The following UGP2 variants were observed in gnomAD, a reference collection of about 807,000 sequenced individuals.
UGP2 encodes the protein UTP--glucose-1-phosphate uridylyltransferase.
UGP2 carries 40 observed loss-of-function variants against 49.0 expected under a neutral mutation model. The ratio of observed to expected loss-of-function variants is 0.82; its 90% CI spans 0.63 to 1.06. The LOEUF is 1.06. UGP2 is among the 50% of genes least tolerant of loss of function. The pLI, the probability that UGP2 is intolerant of heterozygous loss-of-function variation, is 0.00. For synonymous variants in UGP2, 225 were observed against 213.0 expected (o/e 1.06, Z -0.49); for missense variants, 460 against 603.5 (o/e 0.76, Z 2.49).
At chr2:63,854,150 T>A (rs1669229783) in intron 1 of UGP2, among the ~76,000 whole-genome samples, 1 of 152,238 alleles carries the variant, frequency 6.6e-6, no homozygotes. Context: ...ACCATTGGCC[T>A]GCTCTGTGAC....
chr2:63,843,434 A>G (rs1226862528), intron 1 of UGP2, among the ~76,000 whole-genome samples: 1 of 152,264 alleles, frequency 6.6e-6, no homozygotes, highest in East Asian at 1.9e-4. Flanking sequence ...CTGGTTTTGT[A>G]ATAACAATAT....
chr2:63,877,220 C>T (rs1670966337), intron 3 of UGP2, among the ~76,000 whole-genome samples: 2 of 152,214 alleles, frequency 1.3e-5, no homozygotes, highest in Admixed American at 6.5e-5. Context: ...CTTTGGTCAA[C>T]GGAGGTTGTT....
Position 63,882,517 on chromosome 2 carries a change from T to A in UGP2, c.307T>A (p.Ser103Thr). ...CAGGGGCTTGCCTGATAATATATCT[T>A]CCGTGTTGAACAAACTAGTGGTGGT... ...KARGLPDNIS[S>T]VLNKLVVVKL... The change falls in exon 4 of 10, where the codon TCC becomes ACC. Residue 103 changes from serine to threonine, a missense_variant. Ser to Thr is a moderately conservative substitution (Grantham distance 58). This residue lies in a region of UGP2 where 143 missense variants were observed against 130.4 expected (regional missense o/e 1.10). Transcript: ENST00000337130. 1 of 1,611,848 alleles carries A rather than the reference T, an allele frequency of 6.2e-7. No individual in the cohort carries two copies. The highest frequency in any genetic ancestry group is 8.5e-7 in the Non-Finnish European group (1 of 1,178,374).
intron 1 of UGP2, among the ~76,000 whole-genome samples, chr2:63,852,579 A>T (rs1669114337): frequency 6.6e-6 from 1 of 152,152 alleles, no homozygotes; most frequent in South Asian, 2.1e-4. Context: ...CAAGGAAGAG[A>T]AGTGATATGA....
intron 7 of UGP2, 38 bp downstream of exon 7, chr2:63,886,576 C>G (rs1427836159): frequency 1.2e-6 from 2 of 1,609,652 alleles, no homozygotes; most frequent in South Asian, 1.1e-5. Context: ...TTCCTGGTTC[C>G]TAAGGTCATA....
chr2:63,871,571 C>T (rs908319135), intron 3 of UGP2, among the ~76,000 whole-genome samples: 2 of 152,256 alleles, frequency 1.3e-5, no homozygotes, highest in African/African-American at 4.8e-5. Flanking sequence ...CAGGCGTGAG[C>T]CACTGTGCAC....
At chr2:63,867,085 T>C (rs1319813219) in intron 3 of UGP2, among the ~76,000 whole-genome samples, 6 of 152,236 alleles carry the variant, frequency 3.9e-5, no homozygotes, top group Non-Finnish European at 8.8e-5. Flanking sequence ...TTTATAGTTT[T>C]AAAATCCCTA....
chr2:63,884,317 C>T (rs915281754), intron 5 of UGP2, among the ~76,000 whole-genome samples: 1 of 152,146 alleles, frequency 6.6e-6, no homozygotes, highest in African/African-American at 2.4e-5. Context: ...GACTCTGTTC[C>T]ATGTCCAGAA....
chr2:63,844,435 CT>C (rs66854892), intron 1 of UGP2, among the ~76,000 whole-genome samples: 26,743 of 150,296 alleles, frequency 0.18, 3,132 homozygotes, highest in Non-Finnish European at 0.24. Context: ...AGGTTTCTAA[CT>C]TTTTTTTTTC....
intron 1 of UGP2, among the ~76,000 whole-genome samples, chr2:63,853,250 G>T (rs919252108): frequency 2.0e-5 from 3 of 152,146 alleles, no homozygotes; most frequent in Admixed American, 2.0e-4. Context: ...TTAAAGGACT[G>T]TAGTGAGCCC....
intron 3 of UGP2, among the ~76,000 whole-genome samples, chr2:63,863,902 G>T (rs990152916): frequency 1.3e-5 from 2 of 152,192 alleles, no homozygotes; most frequent in African/African-American, 2.4e-5. Flanking sequence ...ATTAAATACA[G>T]ATTTCTATTT....
chr2:63,854,305 G>A (rs532442862), intron 1 of UGP2, among the ~76,000 whole-genome samples: 70 of 152,328 alleles, frequency 4.6e-4, no homozygotes, highest in African/African-American at 1.7e-3. Flanking sequence ...GTCTAAAGGC[G>A]TGGGGAATCA....
intron 2 of UGP2, among the ~76,000 whole-genome samples, chr2:63,857,232 T>A (rs1042955282): frequency 1.3e-5 from 2 of 148,526 alleles, no homozygotes; most frequent in Non-Finnish European, 3.0e-5. Context: ...GCCTGGGAGG[T>A]GAAGTTTGTA....
chr2:63,866,435 A>G (rs932090221), intron 3 of UGP2, among the ~76,000 whole-genome samples: 1 of 152,222 alleles, frequency 6.6e-6, no homozygotes, highest in African/African-American at 2.4e-5. Flanking sequence ...TTTCTGGTAT[A>G]TGTGCTCAGT....
At chr2:63,868,704 C>T (rs1430996909) in intron 3 of UGP2, among the ~76,000 whole-genome samples, 5 of 152,112 alleles carry the variant, frequency 3.3e-5, no homozygotes, top group Non-Finnish European at 4.4e-5. Flanking sequence ...TAGCTCACAC[C>T]TGTAATCCCA....
chr2:63,853,452 T>C (rs1366893440), intron 1 of UGP2, among the ~76,000 whole-genome samples: 1 of 152,160 alleles, frequency 6.6e-6, no homozygotes, highest in African/African-American at 2.4e-5. Flanking sequence ...TCACAAGTCA[T>C]TTCCCGATTT....
chr2:63,870,222 C>T (rs755326134), intron 3 of UGP2, among the ~76,000 whole-genome samples: 1 of 152,056 alleles, frequency 6.6e-6, no homozygotes, highest in Admixed American at 6.6e-5. Flanking sequence ...GTGCCCGCCC[C>T]TAAAATTAAT....
At chr2:63,854,291 C>G (rs1191960021) in intron 1 of UGP2, among the ~76,000 whole-genome samples, 1 of 152,166 alleles carries the variant, frequency 6.6e-6, no homozygotes, top group Non-Finnish European at 1.5e-5. Context: ...CCAATCCACT[C>G]TATGTCTAAA....
In UGP2 at chr2:63,843,463, G is replaced by T. The variant is rs572851844; in HGVS notation, c.19+1259G>T. Among the ~76,000 whole-genome samples the T allele has an allele frequency of 1.7e-4, 26 of 152,340 alleles. No individual in the cohort carries two copies. In the South Asian group the frequency reaches 5.0e-3, roughly 29 times the overall value. On this transcript the variant is annotated intron_variant, in intron 1 of 9. Coordinates refer to ENST00000337130, the MANE Select transcript of UGP2 (RefSeq NM_006759.4). ...ACAATATTCAGTTACCATAAAGGCGGTATTTTGCAAGAATATGCTAGGTAA... is the reference window on the plus strand; with the variant it reads ...ACAATATTCAGTTACCATAAAGGCGTTATTTTGCAAGAATATGCTAGGTAA...
Sources: allele counts gnomAD v4.1 joint callset (sites outside exome capture counted in the v4.1 genomes callset), GRCh38; gene constraint gnomAD v4.1.1; regional missense constraint gnomAD v4.1.1; transcripts MANE v1.5; gene names NCBI Gene and HGNC (gene_info 2026-07-23, HGNC 2026-07-21).